ABCB1: variants seen among roughly 807,000 people sequenced by gnomAD.
ABCB1 encodes ATP binding cassette subfamily B member 1.
In ABCB1, 69 loss-of-function variants were observed where a neutral mutation model predicts 142.0. That is an observed-to-expected ratio of 0.49 (90% CI 0.40 to 0.59). The LOEUF (loss-of-function observed/expected upper bound fraction) is 0.59, where lower values mean the gene tolerates loss of function less well. ABCB1 is among the 20% of genes least tolerant of loss of function. ABCB1 has a pLI of 0.00. For missense variants in ABCB1, 1,326 were observed against 1,554.7 expected, an observed-to-expected ratio of 0.85 and a Z score of 2.47; for synonymous variants, 532 against 539.2, an observed-to-expected ratio of 0.99 and a Z score of 0.18.
intron 1 of ABCB1, among the ~76,000 whole-genome samples, chr7:87,678,640 TAA>T (rs1826617679): frequency 6.6e-6 from 1 of 152,106 alleles, no homozygotes; most frequent in Non-Finnish European, 1.5e-5. Flanking sequence ...GCACTCCAAT[TAA>T]AAGAGATTTT....
intron 1 of ABCB1, among the ~76,000 whole-genome samples, chr7:87,613,425 G>A (rs1320522586): frequency 6.6e-6 from 1 of 151,902 alleles, no homozygotes; most frequent in Non-Finnish European, 1.5e-5. Context: ...TATGTTCATT[G>A]CAGTGCTATT....
intron 1 of ABCB1, among the ~76,000 whole-genome samples, chr7:87,689,133 T>C (rs75908080): frequency 0.01 from 1,565 of 152,152 alleles, 30 homozygotes; most frequent in African/African-American, 0.036. Context: ...GATGATACTA[T>C]GAAAAGAGTT....
At chr7:87,657,146 G>A (rs1824188563) in intron 1 of ABCB1, among the ~76,000 whole-genome samples, 1 of 152,138 alleles carries the variant, frequency 6.6e-6, no homozygotes, top group Non-Finnish European at 1.5e-5. Flanking sequence ...GTAGCGAGTA[G>A]AAGAAAGACT....
intron 4 of ABCB1, among the ~76,000 whole-genome samples, chr7:87,577,639 C>T (rs150409141): frequency 0.026 from 3,887 of 152,262 alleles, 79 homozygotes; most frequent in Middle Eastern, 0.044. Flanking sequence ...GAAATGATAT[C>T]GCATTATAGT....
Position 87,509,264 on chromosome 7 carries a change from G to C in ABCB1, c.3489+11C>G, listed in dbSNP as rs2117066814. ...CATGCTCCCAGGCTGTTTATTTGAA[G>C]AGAGACTTACATTAGGCAGTGACTC... On this transcript the variant is annotated intron_variant, in intron 26 of 27. Coordinates refer to ENST00000622132, the MANE Select transcript of ABCB1 (RefSeq NM_001348946.2). 2 of 1,613,886 alleles carry C rather than the reference G, an allele frequency of 1.2e-6. No homozygotes were observed. The highest frequency in any genetic ancestry group is 2.2e-5 in the South Asian group (2 of 91,066).
At chr7:87,623,734 T>A (rs1820309312) in intron 1 of ABCB1, among the ~76,000 whole-genome samples, 1 of 152,182 alleles carries the variant, frequency 6.6e-6, no homozygotes, top group Non-Finnish European at 1.5e-5. Context: ...ATTTTCTTCA[T>A]GCTCGCTTCT....
At chr7:87,674,458 C>G (rs1227877535) in intron 1 of ABCB1, among the ~76,000 whole-genome samples, 1 of 152,078 alleles carries the variant, frequency 6.6e-6, no homozygotes, top group Non-Finnish European at 1.5e-5. Flanking sequence ...GCAGGGTACA[C>G]TCATGCTGGC....
chr7:87,623,359 G>A lies in ABCB1; in HGVS notation c.-330-22281C>T, dbSNP rs919628224. Among the ~76,000 whole-genome samples, 4 of 152,164 alleles carry A rather than the reference G, an allele frequency of 2.6e-5. No individual in the cohort carries two copies. In the East Asian group the frequency reaches 7.7e-4, roughly 29 times the overall value. ...AGTATTTGCCCTCCTCAAAGAAACT[G>A]TAGGACCAAATCCACTTTGTTTCAA... On this transcript the variant is annotated intron_variant, in intron 1 of 28. Transcript: ENST00000265724.
In ABCB1 at chr7:87,549,446, G is replaced by A. The variant is rs757210054; in HGVS notation, c.1627C>T (p.Arg543Cys). Reference protein sequence around the residue: ...GGQKQRIAIARALVRNPKILL... With the variant: ...GGQKQRIAIACALVRNPKILL... ...ATCTTGGGGTTGCGAACCAGGGCACGTGCAATGGCGATCCTCTGCTTCTGC... is the reference window on the plus strand; with the variant it reads ...ATCTTGGGGTTGCGAACCAGGGCACATGCAATGGCGATCCTCTGCTTCTGC... The change falls in exon 14 of 28, where the codon CGT becomes TGT. Residue 543 changes from arginine (R) to cysteine (C), a missense_variant. Arg to Cys is a radical substitution (Grantham distance 180, BLOSUM62 -3). Transcript: ENST00000622132. 7.4e-6 allele frequency: 12 copies of A among 1,614,060 alleles called. No homozygotes were observed. The highest frequency in any genetic ancestry group is 2.7e-5 in the African/African-American group (2 of 74,916).
At chr7:87,685,956 C>A (rs1827415801) in intron 1 of ABCB1, among the ~76,000 whole-genome samples, 1 of 152,104 alleles carries the variant, frequency 6.6e-6, no homozygotes, top group Non-Finnish European at 1.5e-5. Context: ...GTCACAGAGC[C>A]CAGTAAAAAG....
At chr7:87,695,587 A>G (rs940001286) in intron 1 of ABCB1, among the ~76,000 whole-genome samples, 2 of 152,118 alleles carry the variant, frequency 1.3e-5, no homozygotes, top group African/African-American at 4.8e-5. Context: ...AATATTGTCA[A>G]GTAGGTGATA....
At chr7:87,618,146 A>G (rs1820089786) in intron 1 of ABCB1, among the ~76,000 whole-genome samples, 1 of 152,140 alleles carries the variant, frequency 6.6e-6, no homozygotes, top group Non-Finnish European at 1.5e-5. Flanking sequence ...TGTTGACATT[A>G]TCTTCTGTAG....
chr7:87,522,315 C>T, intron 21 of ABCB1: 1 of 758,598 alleles, frequency 1.3e-6, no homozygotes, highest in Non-Finnish European at 2.4e-6. Context: ...AGCTCTGGCC[C>T]CTATGCTGGT....
At chr7:87,572,625 C>T (rs1052801183) in intron 4 of ABCB1, among the ~76,000 whole-genome samples, 14 of 152,130 alleles carry the variant, frequency 9.2e-5, no homozygotes, top group Non-Finnish European at 4.4e-5. Flanking sequence ...CATTGTAGCA[C>T]TATTCACAAA....
chr7:87,626,104 ATATATATGTGTCATATATATT>A (rs1563079566), intron 1 of ABCB1, among the ~76,000 whole-genome samples: 52 of 134,912 alleles, frequency 3.9e-4, no homozygotes, highest in South Asian at 1.3e-3. Flanking sequence ...ATATATTGTC[ATATATATGTGTCATATATATT>A]GTCATATATA....
Position 87,589,912 on chromosome 7 carries a change from G to T in ABCB1, c.118-4232C>A, listed in dbSNP as rs891139342. Among the ~76,000 whole-genome samples, 4 of 151,914 alleles carry T rather than the reference G, an allele frequency of 2.6e-5. 1 individual carries two copies. In the South Asian group the frequency reaches 8.3e-4, roughly 32 times the overall value. ...ATTAGATGCTGAAAGGAAAGAGAGA[G>T]AAGGTGAACCAGAACCACATAAAAG... is the stretch of plus-strand genomic sequence containing the variant. On this transcript the variant is annotated intron_variant, in intron 3 of 27. Transcript: ENST00000622132.
intron 8 of ABCB1, among the ~76,000 whole-genome samples, chr7:87,555,372 C>G (rs990115053): frequency 1.3e-5 from 2 of 152,110 alleles, no homozygotes; most frequent in East Asian, 3.8e-4. Flanking sequence ...GGTCTTTGAT[C>G]CATAAATTCA....
intron 1 of ABCB1, among the ~76,000 whole-genome samples, chr7:87,656,240 GT>G (rs2130415528): frequency 6.6e-6 from 1 of 151,908 alleles, no homozygotes; most frequent in Non-Finnish European, 1.5e-5. Context: ...TATACAATTT[GT>G]ATTTGTCAAT....
intron 16 of ABCB1, 134 bp from the exon 17 acceptor site, chr7:87,544,409 CT>C: frequency 1.0e-6 from 1 of 969,242 alleles, no homozygotes; most frequent in South Asian, 1.6e-5. Flanking sequence ...GACAATTTTG[CT>C]TTAAAAAATG....
Sources: gnomAD v4.1 joint callset for allele counts (sites outside exome capture counted in the v4.1 genomes callset) on GRCh38, gnomAD v4.1.1 for gene constraint, MANE v1.5 for transcripts, NCBI Gene and HGNC (gene_info 2026-07-23, HGNC 2026-07-21) for gene names.